Variants in CEP128 observed in about 807,000 individuals in gnomAD.
CEP128 encodes centrosomal protein 128kDa.
Under a neutral mutation model 156.7 loss-of-function variants are expected in CEP128, and 132 were observed. That is an observed-to-expected ratio of 0.84 (90% CI 0.73 to 0.97). CEP128 has a LOEUF of 0.97. CEP128 is among the 50% of genes least tolerant of loss of function. CEP128 has a pLI of 0.00. For missense variants in CEP128, 1,252 were observed against 1,281.9 expected (o/e 0.98, Z 0.36); for synonymous variants, 469 against 448.9 (o/e 1.04, Z -0.57).
At chr14:80,928,146 A>T (rs1299200495) in intron 2 of CEP128, among the ~76,000 whole-genome samples, 1 of 152,242 alleles carries the variant, frequency 6.6e-6, no homozygotes, top group African/African-American at 2.4e-5. Context: ...TGTCCAATCA[A>T]AAACAAATTC....
chr14:80,736,927 C>T (rs1418911888), intron 19 of CEP128, among the ~76,000 whole-genome samples: 3 of 152,312 alleles, frequency 2.0e-5, no homozygotes, highest in Admixed American at 6.5e-5. Flanking sequence ...AGTTTAACTT[C>T]AATCCCTGTT....
rs550575090 is a variant in CEP128 at position 80,657,087 on chromosome 14, G to A, written c.2807-76664C>T. On this transcript the variant is annotated intron_variant, in intron 19 of 24. Transcript: ENST00000555265. ...AGCCTGGCCAAGATGGTGAAACCCCGTCACTACTAAAAATACAAAAATTAG... is the reference window on the plus strand; with the variant it reads ...AGCCTGGCCAAGATGGTGAAACCCCATCACTACTAAAAATACAAAAATTAG... Among the ~76,000 whole-genome samples the A allele has an allele frequency of 4.6e-5, 7 of 151,926 alleles. No homozygotes were observed. The South Asian group carries it at 8.3e-4, about 18-fold the overall frequency.
chr14:80,524,896 T>C (rs1888909434), intron 23 of CEP128, among the ~76,000 whole-genome samples: 1 of 152,206 alleles, frequency 6.6e-6, no homozygotes. Context: ...TGCTAAGTGC[T>C]GGCCCCTCTT....
upstream of CEP128, among the ~76,000 whole-genome samples, chr14:80,946,505 T>C (rs2139651243): frequency 6.6e-6 from 1 of 152,110 alleles, no homozygotes; most frequent in South Asian, 2.1e-4. Context: ...TAATTCTAGA[T>C]CTAGTTTCCT....
intron 19 of CEP128, among the ~76,000 whole-genome samples, chr14:80,621,776 C>T (rs1893490216): frequency 6.6e-6 from 1 of 152,166 alleles, no homozygotes; most frequent in East Asian, 1.9e-4. Flanking sequence ...CTCAAGTCCA[C>T]TCCGTTTGTA....
intron 9 of CEP128, 69 bp downstream of exon 9, chr14:80,862,688 C>T: frequency 9.8e-7 from 1 of 1,018,144 alleles, no homozygotes; most frequent in Non-Finnish European, 1.6e-6. Flanking sequence ...CATGCAATAA[C>T]CATTTTAACA....
At chr14:80,534,288 A>C (rs902820793) in intron 21 of CEP128, among the ~76,000 whole-genome samples, 2 of 152,116 alleles carry the variant, frequency 1.3e-5, no homozygotes, top group African/African-American at 4.8e-5. Flanking sequence ...CACATTACTT[A>C]AGATTTCAAA....
downstream of CEP128, among the ~76,000 whole-genome samples, chr14:80,487,141 CAGAG>C: frequency 6.6e-6 from 1 of 151,946 alleles, no homozygotes; most frequent in Non-Finnish European, 1.5e-5. Context: ...ATCTCACGTG[CAGAG>C]ACACACATAG....
intron 19 of CEP128, among the ~76,000 whole-genome samples, chr14:80,700,943 G>A (rs1343074629): frequency 2.0e-5 from 3 of 152,164 alleles, no homozygotes; most frequent in African/African-American, 7.2e-5. Context: ...AGGAGAGTCT[G>A]CTCCTTTCAG....
intron 19 of CEP128, among the ~76,000 whole-genome samples, chr14:80,681,764 A>T (rs1896333774): frequency 6.6e-6 from 1 of 152,162 alleles, no homozygotes; most frequent in Admixed American, 6.5e-5. Flanking sequence ...AGTCAATTAA[A>T]TCTCTTTTCT....
At chr14:80,922,148 C>A (rs1884903213) in intron 2 of CEP128, among the ~76,000 whole-genome samples, 1 of 152,154 alleles carries the variant, frequency 6.6e-6, no homozygotes, top group African/African-American at 2.4e-5. Flanking sequence ...AAGCTGTCGA[C>A]CTGGAAAATT....
chr14:80,735,746 T>C (rs914561437), intron 19 of CEP128, among the ~76,000 whole-genome samples: 8 of 152,152 alleles, frequency 5.3e-5, no homozygotes, highest in African/African-American at 1.9e-4. Context: ...GTACCTTCCT[T>C]TCTGGAGGCT....
At chr14:80,821,220 T>C (rs567577961) in intron 13 of CEP128, among the ~76,000 whole-genome samples, 1 of 152,232 alleles carries the variant, frequency 6.6e-6, no homozygotes, top group South Asian at 2.1e-4. Flanking sequence ...AAAGCAAATA[T>C]CTAAAAAACA....
intron 19 of CEP128, among the ~76,000 whole-genome samples, chr14:80,686,232 C>T (rs1433198841): frequency 6.6e-6 from 1 of 151,908 alleles, no homozygotes; most frequent in African/African-American, 2.4e-5. Flanking sequence ...ACAGCAGACC[C>T]CTCAGCAGAA....
chr14:80,576,830 ATTTG>A (rs1380288729), intron 20 of CEP128, among the ~76,000 whole-genome samples: 3 of 152,160 alleles, frequency 2.0e-5, no homozygotes, highest in Non-Finnish European at 4.4e-5. Context: ...GTAGGGTGGC[ATTTG>A]TTTGTTTATT....
At chr14:80,862,289 G>C (rs1269611799) in intron 9 of CEP128, among the ~76,000 whole-genome samples, 2 of 152,176 alleles carry the variant, frequency 1.3e-5, no homozygotes, top group African/African-American at 4.8e-5. Flanking sequence ...AGGAGTGGTT[G>C]TGCTCCAATA....
chr14:80,809,315 C>T (rs565592893), intron 13 of CEP128, among the ~76,000 whole-genome samples: 56 of 151,690 alleles, frequency 3.7e-4, no homozygotes, highest in African/African-American at 1.3e-3. Context: ...TAAAATGATT[C>T]AATCAGAATT....
intron 2 of CEP128, among the ~76,000 whole-genome samples, chr14:80,952,527 A>G (rs1450753045): frequency 1.3e-5 from 2 of 152,136 alleles, no homozygotes; most frequent in African/African-American, 4.8e-5. Context: ...CTACAGCACT[A>G]CACACATACA....
chr14:80,566,494 T>C (rs1320692452), intron 20 of CEP128, among the ~76,000 whole-genome samples: 1 of 152,118 alleles, frequency 6.6e-6, no homozygotes, highest in South Asian at 2.1e-4. Flanking sequence ...TTTCTTACAG[T>C]GATTTAAAAA....
Sources: allele counts gnomAD v4.1 joint callset (sites outside exome capture counted in the v4.1 genomes callset), GRCh38; gene constraint gnomAD v4.1.1; transcripts MANE v1.5; gene names NCBI Gene and HGNC (gene_info 2026-07-23, HGNC 2026-07-21).